CWF19L1: variants seen among roughly 807,000 people sequenced by gnomAD.
The protein encoded by CWF19L1 is CWF19-like protein 1.
In CWF19L1, 60 loss-of-function variants were observed where a neutral mutation model predicts 69.7. The ratio of observed to expected loss-of-function variants is 0.86; its 90% CI spans 0.70 to 1.07. The LOEUF (loss-of-function observed/expected upper bound fraction) is 1.07. Ranked by LOEUF, CWF19L1 falls within the 50% of genes least tolerant of loss-of-function variation. The pLI is 0.00. For missense variants in CWF19L1, 591 were observed against 638.9 expected, an observed-to-expected ratio of 0.92 and a Z score of 0.81; for synonymous variants, 209 against 222.2, an observed-to-expected ratio of 0.94 and a Z score of 0.53.
In CWF19L1 at chr10:100,245,837, C is replaced by T; in HGVS notation, c.926G>A (p.Ser309Asn). ...CTGCTTTGGATGAGGAGAAGATTTGCTATCTCTACCTGTGGATGAACGCTT... is the reference window on the plus strand; with the variant it reads ...CTGCTTTGGATGAGGAGAAGATTTGTTATCTCTACCTGTGGATGAACGCTT... The part of the protein sequence containing the change: ...GRKRSSTGRD[S>N]KSSPHPKQPR... Residue 309 changes from serine (S) to asparagine (N), a missense_variant, in exon 9 of 14, where the codon AGC becomes AAC. This residue lies in a region of CWF19L1 where 458 missense variants were observed against 489.3 expected (regional missense o/e 0.94). Coordinates refer to ENST00000354105, the MANE Select transcript of CWF19L1 (RefSeq NM_018294.6). 1.2e-6 allele frequency: 2 copies of T among 1,614,176 alleles called. No homozygotes were observed. Among genetic ancestry groups the T allele is most frequent in the South Asian group, 1.1e-5 (1 of 91,086 alleles).
rs779392720 is a variant in CWF19L1, at chr10:100,260,198, TACA to T, written c.289+17_289+19del. 1.2e-5 allele frequency: 17 copies of T among 1,477,594 alleles called. No individual in the cohort carries two copies. Among genetic ancestry groups the T allele is most frequent in the East Asian group, 2.3e-5 (1 of 43,736 alleles). The allele number at this position is 1,477,594 out of a possible 1,614,324, so 91.5% of individuals were successfully genotyped here. A position where few individuals can be genotyped will look rare whatever the true frequency, so the allele number is the denominator to read the frequency against. ...CAAAAAACAAAAAACAAAAAAAAAA[TACA>T]ACAAGTATCAGCTTACCCAGATAAG... On this transcript the variant is annotated intron_variant, in intron 4 of 13. Transcript: ENST00000354105.
Position 100,233,137 on chromosome 10 carries a change from G to C in CWF19L1, c.*90C>G. 7.4e-7 allele frequency: 1 copy of C among 1,344,834 alleles called. No homozygotes were observed. The highest frequency in any genetic ancestry group is 2.4e-5 in the East Asian group (1 of 41,314). 83.3% of individuals were successfully genotyped at this position (1,344,834 alleles called of 1,614,324 possible). A position where few individuals can be genotyped will look rare whatever the true frequency, so the allele number is the denominator to read the frequency against. ...CAATCCTGCTTGGGTGACAGAGCGAGACTTTGTCTCAAAAAAAATTCTTTT... is the reference window on the plus strand; with the variant it reads ...CAATCCTGCTTGGGTGACAGAGCGACACTTTGTCTCAAAAAAAATTCTTTT... On this transcript the variant is annotated 3_prime_UTR_variant, in exon 14 of 14. Coordinates refer to ENST00000354105, the MANE Select transcript of CWF19L1 (RefSeq NM_018294.6).
At chr10:100,260,527 ATT>A (rs768870380) in intron 3 of CWF19L1, among the ~76,000 whole-genome samples, 1 of 147,540 alleles carries the variant, frequency 6.8e-6, no homozygotes, top group Non-Finnish European at 1.5e-5. Context: ...TATTTATTTT[ATT>A]TTTTTTTTTT....
At chr10:100,262,417 C>T in intron 1 of CWF19L1, 1 of 963,746 alleles carries the variant, frequency 1.0e-6, no homozygotes, top group Non-Finnish European at 1.2e-6. Flanking sequence ...CTTTCACATT[C>T]ATTCTATCCT....
intron 1 of CWF19L1, 44 bp downstream of exon 1, chr10:100,267,527 C>A (rs564608716): frequency 2.5e-6 from 4 of 1,614,076 alleles, no homozygotes; most frequent in Non-Finnish European, 3.4e-6. Context: ...CCTACACACA[C>A]GAAAGAGACA....
intron 7 of CWF19L1, chr10:100,248,999 C>T: frequency 1.5e-6 from 1 of 657,630 alleles, no homozygotes; most frequent in Non-Finnish European, 2.8e-6. Flanking sequence ...GAGGACATCA[C>T]ATTCCAGCTC....
At chr10:100,242,673 CA>C (rs397844633) in intron 10 of CWF19L1, among the ~76,000 whole-genome samples, 5,450 of 88,718 alleles carry the variant, frequency 0.061, 97 homozygotes, top group Non-Finnish European at 0.082. Context: ...GACTCCATCT[CA>C]AAAAAAAAAA....
At chr10:100,262,741 CT>C (rs910477461) in intron 1 of CWF19L1, among the ~76,000 whole-genome samples, 3 of 152,168 alleles carry the variant, frequency 2.0e-5, no homozygotes, top group Non-Finnish European at 2.9e-5. Flanking sequence ...GTAAGGTAAA[CT>C]GGCCCTACGT....
In CWF19L1 at chr10:100,256,384, A is replaced by G; in HGVS notation, c.382T>C (p.Phe128Leu). 6.2e-7 allele frequency: 1 copy of G among 1,614,154 alleles called. No individual in the cohort carries two copies. Among genetic ancestry groups the G allele is most frequent in the South Asian group, 1.1e-5 (1 of 91,082 alleles). ...SLNEPVPGYS[F>L]SPKDVSSLRM... Reference sequence around the variant, plus strand: ...AGAGAAGACACATCCTTGGGACTAAAACTATAACCTGGTACTGGCTCATTT... The same window carrying G: ...AGAGAAGACACATCCTTGGGACTAAGACTATAACCTGGTACTGGCTCATTT... The change falls in exon 5 of 14, where the codon TTT (phenylalanine) becomes CTT (leucine). Residue 128 changes from phenylalanine (F) to leucine (L), a missense_variant. Around this residue, in one of 3 missense-constraint regions of CWF19L1, gnomAD observed 4 missense variants for 18.3 expected, o/e 0.22. Transcript: ENST00000354105.
chr10:100,238,517 A>G (rs955686803), intron 10 of CWF19L1, among the ~76,000 whole-genome samples: 1 of 152,218 alleles, frequency 6.6e-6, no homozygotes, highest in African/African-American at 2.4e-5. Flanking sequence ...CTTCAAACAC[A>G]CTGAGCTGAG....
At chr10:100,250,203 G>T (rs1846976587) in intron 7 of CWF19L1, 45 bp downstream of exon 7, 1 of 1,227,254 alleles carries the variant, frequency 8.1e-7, no homozygotes, top group African/African-American at 1.5e-5. Flanking sequence ...CATTTATCAG[G>T]CAGACCATGA....
intron 9 of CWF19L1, among the ~76,000 whole-genome samples, chr10:100,244,270 A>T (rs1335360633): frequency 6.6e-6 from 1 of 152,192 alleles, no homozygotes; most frequent in African/African-American, 2.4e-5. Context: ...GAGGCTCTTC[A>T]CCTCATTATG....
In CWF19L1 at chr10:100,248,394, G is replaced by A. The variant is rs554407203; in HGVS notation, c.709-1459C>T. ...TGTCATCTTTGACCGATTCCATGGA[G>A]TACAGAACACTGTGGTACGGGAAGG... On this transcript the variant is annotated intron_variant, in intron 7 of 13. Transcript: ENST00000354105. 77 of 762,412 alleles carry A rather than the reference G, an allele frequency of 1.0e-4. No homozygotes were observed. In the Middle Eastern group the frequency reaches 2.7e-3, roughly 27 times the overall value. 47.2% of individuals were successfully genotyped at this position (762,412 alleles called of 1,614,324 possible). A position where few individuals can be genotyped will look rare whatever the true frequency, so the allele number is the denominator to read the frequency against.
rs2134274976 is a variant in CWF19L1 at position 100,236,963 on chromosome 10, G to A, written c.1261C>T (p.Pro421Ser). Residue 421 changes from proline to serine, a missense_variant, in exon 12 of 14, where the codon CCT (proline) becomes TCT (serine). By Grantham distance (74) the Pro-to-Ser change is moderately conservative. This residue lies in a region of CWF19L1 where 458 missense variants were observed against 489.3 expected (regional missense o/e 0.94). Coordinates refer to ENST00000354105, the MANE Select transcript of CWF19L1 (RefSeq NM_018294.6). Reference protein sequence around the residue: ...KSHHLQLQVIPVPISCSTTDD... With the variant: ...KSHHLQLQVISVPISCSTTDD... ...GTAGTAGAGCAGCTGATTGGGACAG[G>A]AATGACCTGGGGGTTGGGGAGACAG... The A allele has an allele frequency of 6.3e-7, 1 of 1,588,390 alleles. No individual in the cohort carries two copies. The highest frequency in any genetic ancestry group is 1.1e-5 in the South Asian group (1 of 87,120).
chr10:100,244,073 G>T (rs895784853), intron 9 of CWF19L1, among the ~76,000 whole-genome samples: 3 of 152,224 alleles, frequency 2.0e-5, no homozygotes, highest in Admixed American at 2.0e-4. Flanking sequence ...ACACTGAACT[G>T]GGTGTCAGGA....
At position 100,234,747 on chromosome 10, in the gene CWF19L1, C is replaced by G. The variant is rs547583301; in HGVS notation, c.1472+920G>C. ...TCTGTTCTACACATTTTCCACTCCC[C>G]TTCAAACTGTATCTTCTTGCCAGCA... On this transcript the variant is annotated intron_variant, in intron 13 of 13. Coordinates refer to ENST00000354105, the MANE Select transcript of CWF19L1 (RefSeq NM_018294.6). 6.4e-4 allele frequency among the ~76,000 whole-genome samples: 97 copies of G among 152,344 alleles called. 3 individuals carry two copies. The highest frequency in any genetic ancestry group is 6.3e-3 in the Admixed American group (97 of 15,300).
intron 5 of CWF19L1, among the ~76,000 whole-genome samples, chr10:100,255,030 C>T (rs569710437): frequency 6.6e-6 from 1 of 152,276 alleles, no homozygotes; most frequent in Non-Finnish European, 1.5e-5. Context: ...CACTGATAAT[C>T]CTGAATCCAA....
Position 100,260,136 on chromosome 10 carries a change from C to G in CWF19L1, c.289+82G>C, listed in dbSNP as rs1235262503. ...TGAGCCAAGATTGCGCCACTGCACT[C>G]CAGCCTGGGTGACAGAGCAAGACTC... On this transcript the variant is annotated intron_variant, in intron 4 of 13. Transcript: ENST00000354105. 16 of 870,242 alleles carry G rather than the reference C, an allele frequency of 1.8e-5. No individual in the cohort carries two copies. In the Middle Eastern group the frequency reaches 1.1e-3, roughly 58 times the overall value. The allele number at this position is 870,242 out of a possible 1,614,324, so 53.9% of individuals were successfully genotyped here. A position where few individuals can be genotyped will look rare whatever the true frequency, so the allele number is the denominator to read the frequency against.
intron 1 of CWF19L1, among the ~76,000 whole-genome samples, chr10:100,265,961 G>A (rs1196382739): frequency 2.6e-5 from 4 of 152,092 alleles, no homozygotes; most frequent in Non-Finnish European, 5.9e-5. Flanking sequence ...ATACCATCTA[G>A]GTCTCTGGAA....
Sources: allele counts gnomAD v4.1 joint callset (sites outside exome capture counted in the v4.1 genomes callset), GRCh38; gene constraint gnomAD v4.1.1; regional missense constraint gnomAD v4.1.1; transcripts MANE v1.5; gene names NCBI Gene and HGNC (gene_info 2026-07-23, HGNC 2026-07-21).